The following CACNA1A variants were observed in gnomAD, a reference collection of about 807,000 sequenced individuals.
The protein encoded by CACNA1A is calcium voltage-gated channel subunit alpha1 A.
In CACNA1A, 57 loss-of-function variants were observed where a neutral mutation model predicts 262.4. That is an observed-to-expected ratio of 0.22 (90% CI 0.18 to 0.27). The LOEUF (loss-of-function observed/expected upper bound fraction) is 0.27, where lower values mean the gene tolerates loss of function less well. CACNA1A is among the 10% of genes least tolerant of loss of function. The pLI, the probability that CACNA1A is intolerant of heterozygous loss-of-function variation, is 1.00. For synonymous variants in CACNA1A, 1,431 were observed against 1,419.3 expected (o/e 1.01, Z -0.18); for missense variants, 2,526 against 3,562.8 (o/e 0.71, Z 7.41).
rs2057722138 is a variant in CACNA1A, at chr19:13,298,658, T to TCGCCCA, written c.2974_2975insTGGGCG (p.Gly991_Glu992insValGly). 1 of 1,502,398 alleles carries TCGCCCA rather than the reference T, an allele frequency of 6.7e-7. No individual in the cohort carries two copies. The highest frequency in any genetic ancestry group is 8.9e-7 in the Non-Finnish European group (1 of 1,126,410). 93.1% of individuals were successfully genotyped at this position (1,502,398 alleles called of 1,614,324 possible). A position where few individuals can be genotyped will look rare whatever the true frequency, so the allele number is the denominator to read the frequency against. The stretch of plus-strand genomic sequence containing the variant: ...CTCGCCCCCGTCGGGGCCCTCGCCC[T>TCGCCCA]CGCCCTCGCCGCCCCGGGCCGGCCG... On this transcript the variant is annotated inframe_insertion, in exon 19 of 47. Transcript: ENST00000360228.
chr19:13,309,796 A>AT (rs1433585149), intron 12 of CACNA1A, among the ~76,000 whole-genome samples: 1 of 152,108 alleles, frequency 6.6e-6, no homozygotes, highest in Non-Finnish European at 1.5e-5. Flanking sequence ...TGTAATAACC[A>AT]TTTTCTTACC....
At chr19:13,427,944 TG>T (rs1239124812) in intron 3 of CACNA1A, among the ~76,000 whole-genome samples, 4 of 151,080 alleles carry the variant, frequency 2.6e-5, no homozygotes, top group South Asian at 4.2e-4. Flanking sequence ...AATAACAGGT[TG>T]TTTTTTTTTG....
rs919263765 is a variant in CACNA1A, at chr19:13,257,340, G to C, written c.4590+10C>G. ...AGTTTTTAAAGGACAGATGGAATTG[G>C]AAGTGGCACCTCATTTTTCTCCAGG... On this transcript the variant is annotated intron_variant, in intron 28 of 46. Coordinates refer to ENST00000360228, the MANE Select transcript of CACNA1A (RefSeq NM_001127222.2). The C allele has an allele frequency of 1.2e-6, 2 of 1,610,202 alleles. No individual in the cohort carries two copies. Among genetic ancestry groups the C allele is most frequent in the African/African-American group, 2.7e-5 (2 of 74,792 alleles).
At chr19:13,339,494 C>T (rs559517151) in intron 6 of CACNA1A, among the ~76,000 whole-genome samples, 59 of 152,038 alleles carry the variant, frequency 3.9e-4, no homozygotes, top group African/African-American at 1.2e-3. Context: ...CTTAATTTCA[C>T]GAAACTGTAT....
chr19:13,389,583 T>C (rs1414490649), intron 3 of CACNA1A, among the ~76,000 whole-genome samples: 1 of 152,100 alleles, frequency 6.6e-6, no homozygotes, highest in Non-Finnish European at 1.5e-5. Flanking sequence ...ACATATTTTT[T>C]CCCCAATATT....
chr19:13,241,646 C>CG lies in CACNA1A; in HGVS notation c.4950+3535dup. ...CAAAAAACCAATGGGTTTCGGTTCC[C>CG]GGGCGGGGAGTGGGGGTGGTGGTGG... On this transcript the variant is annotated intron_variant, in intron 31 of 46. Coordinates refer to ENST00000360228, the MANE Select transcript of CACNA1A (RefSeq NM_001127222.2). This position sits in a 1 kb window ranked among gnomAD's most constrained non-coding sequence, Gnocchi z 4.0. 1 of 392,966 alleles carries CG rather than the reference C, an allele frequency of 2.5e-6. No individual in the cohort carries two copies. The allele number at this position is 392,966 out of a possible 1,614,324, so 24.3% of individuals were successfully genotyped here.
At chr19:13,282,227 G>A (rs2057307967) in intron 22 of CACNA1A, among the ~76,000 whole-genome samples, 1 of 152,212 alleles carries the variant, frequency 6.6e-6, no homozygotes, top group African/African-American at 2.4e-5. Flanking sequence ...TTGAGGGATG[G>A]GGCTCGCCAG....
chr19:13,286,409 G>A lies in CACNA1A; in HGVS notation c.3553+94C>T, dbSNP rs2057400260. On this transcript the variant is annotated intron_variant, in intron 20 of 46. Coordinates refer to ENST00000360228, the MANE Select transcript of CACNA1A (RefSeq NM_001127222.2). ...TCCAGGGGAGGAGACTGAGGCCAGA[G>A]AGATGGGGTCACAGTCCAGGGTCAC... 3 of 563,388 alleles carry A rather than the reference G, an allele frequency of 5.3e-6. No individual in the cohort carries two copies. The South Asian group carries it at 1.1e-4, about 21-fold the overall frequency. 34.9% of individuals were successfully genotyped at this position (563,388 alleles called of 1,614,324 possible).
Position 13,334,497 on chromosome 19 carries a change from G to A in CACNA1A, c.1083-4C>T, listed in dbSNP as rs201056216. 6.4e-7 allele frequency: 1 copy of A among 1,562,828 alleles called. No individual in the cohort carries two copies. Among genetic ancestry groups the A allele is most frequent in the Non-Finnish European group, 8.8e-7 (1 of 1,133,568 alleles). On this transcript the variant is annotated splice_polypyrimidine_tract_variant and splice_region_variant and intron_variant, in intron 7 of 46. Coordinates refer to ENST00000360228, the MANE Select transcript of CACNA1A (RefSeq NM_001127222.2). ...TTCCCTTTCTTTGGCAAACTCCCTG[G>A]AGAAGCATAGAAAAGCCAGAGTATG...
At chr19:13,279,155 C>A (rs1324361914) in intron 22 of CACNA1A, among the ~76,000 whole-genome samples, 1 of 152,110 alleles carries the variant, frequency 6.6e-6, no homozygotes, top group Non-Finnish European at 1.5e-5. Flanking sequence ...TGGGAAAGGG[C>A]AGGCCGTGGG....
intron 8 of CACNA1A, among the ~76,000 whole-genome samples, chr19:13,333,342 C>T (rs1568543826): frequency 6.6e-6 from 1 of 152,150 alleles, no homozygotes; most frequent in Non-Finnish European, 1.5e-5. Flanking sequence ...CTTGACATCC[C>T]CACAGCTTCC....
intron 24 of CACNA1A, among the ~76,000 whole-genome samples, chr19:13,267,638 T>A (rs1396354246): frequency 6.6e-6 from 1 of 152,048 alleles, no homozygotes; most frequent in African/African-American, 2.4e-5. Context: ...CCTCTCGTTA[T>A]CCTCATCTGC....
intron 3 of CACNA1A, among the ~76,000 whole-genome samples, chr19:13,449,553 C>G (rs115996178): frequency 6.6e-6 from 1 of 152,162 alleles, no homozygotes; most frequent in Non-Finnish European, 1.5e-5. Context: ...TAAAGTAATC[C>G]TTCCATCTTT....
intron 24 of CACNA1A, 105 bp from the exon 25 acceptor site, chr19:13,262,938 G>C (rs1028736962): frequency 6.6e-6 from 5 of 754,106 alleles, no homozygotes. Context: ...CCCAGGCCTA[G>C]AAGTCTGGGG....
chr19:13,361,090 A>G (rs1348105137), intron 5 of CACNA1A, among the ~76,000 whole-genome samples: 2 of 152,026 alleles, frequency 1.3e-5, no homozygotes, highest in Non-Finnish European at 2.9e-5. Flanking sequence ...ATTCTCCTAT[A>G]AGCCTTGCTG....
intron 8 of CACNA1A, 62 bp from the exon 9 acceptor site, chr19:13,332,987 A>G (rs2145126437): frequency 7.4e-7 from 1 of 1,351,606 alleles, no homozygotes; most frequent in Non-Finnish European, 1.1e-6. Flanking sequence ...CCCTTGGACC[A>G]GGAAGAAGGG....
intron 24 of CACNA1A, among the ~76,000 whole-genome samples, chr19:13,266,776 T>C (rs2056873395): frequency 2.0e-5 from 3 of 152,160 alleles, no homozygotes. Context: ...GGTTTCACCA[T>C]GTTGACCAGG....
In CACNA1A at chr19:13,207,518, G is replaced by C; in HGVS notation, c.7316C>G (p.Pro2439Arg). The change falls in exon 47 of 47, where the codon CCC becomes CGC. Residue 2439 changes from proline (P) to arginine (R), a missense_variant. Around this residue, in one of 17 missense-constraint regions of CACNA1A, gnomAD observed 929 missense variants for 868.1 expected, o/e 1.07. Transcript: ENST00000360228. This position sits in a 1 kb window ranked among gnomAD's most constrained non-coding sequence, Gnocchi z 5.7. ...GGCGCCCGAGGACGCGTGTCGTACG[G>C]GGGGTGGCGCGTCGTAGGCCCCGGC... ...AMAGAYDAPP[P>R]VRHASSGATG... is the part of the protein sequence containing the mutation. The C allele has an allele frequency of 7.0e-7, 1 of 1,435,930 alleles. No homozygotes were observed. The highest frequency in any genetic ancestry group is 9.1e-7 in the Non-Finnish European group (1 of 1,097,440). The allele number at this position is 1,435,930 out of a possible 1,614,324, so 88.9% of individuals were successfully genotyped here.
At chr19:13,344,671 C>A (rs1189139008) in intron 6 of CACNA1A, among the ~76,000 whole-genome samples, 1 of 152,198 alleles carries the variant, frequency 6.6e-6, no homozygotes, top group Non-Finnish European at 1.5e-5. Flanking sequence ...ATAGTAGGTG[C>A]TCACTAAGCA....
Sources: gnomAD v4.1 joint callset for allele counts (sites outside exome capture counted in the v4.1 genomes callset) on GRCh38, gnomAD v4.1.1 for gene constraint, gnomAD v4.1.1 regional missense constraint, Gnocchi (gnomAD v3.1) non-coding constraint, MANE v1.5 for transcripts, NCBI Gene and HGNC (gene_info 2026-07-23, HGNC 2026-07-21) for gene names.